SLC35F1: variants seen among roughly 807,000 people sequenced by gnomAD.
SLC35F1 encodes solute carrier family 35 member F1, also known as chromosome 6 open reading frame 169.
Under a neutral mutation model 48.7 loss-of-function variants are expected in SLC35F1, and 14 were observed. The ratio of observed to expected loss-of-function variants is 0.29; its 90% CI spans 0.19 to 0.45. SLC35F1 has a LOEUF of 0.45. SLC35F1 is among the 20% of genes least tolerant of loss of function. The probability of loss-of-function intolerance (pLI) is 1.00; values close to 1 mark genes in which losing one functional copy is unlikely to be tolerated. For missense variants in SLC35F1, 404 were observed against 500.0 expected (o/e 0.81, Z 1.83); for synonymous variants, 190 against 202.2 (o/e 0.94, Z 0.51).
Position 118,157,310 on chromosome 6 carries a change from G to A in SLC35F1, c.349+2690G>A, listed in dbSNP as rs189745987. Reference sequence around the variant, plus strand: ...AAAAAAGGAGAGGTTTTTTTCCTTTGAATTTCAAAACCCTGAATAGGAAAC... The same window carrying A: ...AAAAAAGGAGAGGTTTTTTTCCTTTAAATTTCAAAACCCTGAATAGGAAAC... On this transcript the variant is annotated intron_variant, in intron 2 of 7. Coordinates refer to ENST00000360388, the MANE Select transcript of SLC35F1 (RefSeq NM_001029858.4). 2.6e-3 allele frequency among the ~76,000 whole-genome samples: 393 copies of A among 152,106 alleles called. 4 individuals are homozygous for A. Among genetic ancestry groups the A allele is most frequent in the Admixed American group, 7.1e-3 (108 of 15,290 alleles).
chr6:117,960,677 TG>T (rs1652171467), intron 1 of SLC35F1, among the ~76,000 whole-genome samples: 1 of 152,112 alleles, frequency 6.6e-6, no homozygotes, highest in Admixed American at 6.5e-5. Flanking sequence ...ATGAATGAAG[TG>T]TATTCTCTGC....
chr6:118,018,208 G>A (rs376743352), intron 1 of SLC35F1, among the ~76,000 whole-genome samples: 1 of 151,760 alleles, frequency 6.6e-6, no homozygotes, highest in Non-Finnish European at 1.5e-5. Flanking sequence ...TCATCTTTAC[G>A]AAAAATACAA....
chr6:118,068,532 C>T (rs888787012), intron 1 of SLC35F1, among the ~76,000 whole-genome samples: 2 of 152,138 alleles, frequency 1.3e-5, no homozygotes, highest in Non-Finnish European at 2.9e-5. Context: ...TTTTGTAAAA[C>T]TTGGCAAAAA....
intron 7 of SLC35F1, among the ~76,000 whole-genome samples, chr6:118,301,606 A>G (rs1199491863): frequency 6.6e-6 from 1 of 152,238 alleles, no homozygotes; most frequent in Non-Finnish European, 1.5e-5. Context: ...ATATCATCCC[A>G]CATTAAATTG....
intron 2 of SLC35F1, among the ~76,000 whole-genome samples, chr6:118,178,535 G>A (rs1014276478): frequency 6.6e-6 from 1 of 151,954 alleles, no homozygotes; most frequent in African/African-American, 2.4e-5. Context: ...GGGGGAGGAG[G>A]GAGGAATCAC....
intron 1 of SLC35F1, among the ~76,000 whole-genome samples, chr6:118,023,242 C>A (rs552851604): frequency 1.3e-5 from 2 of 152,292 alleles, no homozygotes; most frequent in Admixed American, 6.5e-5. Context: ...AGACCAGCTG[C>A]ATAATTTGCT....
At chr6:117,986,477 A>T (rs58058006) in intron 1 of SLC35F1, among the ~76,000 whole-genome samples, 2 of 152,120 alleles carry the variant, frequency 1.3e-5, no homozygotes, top group Admixed American at 6.5e-5. Flanking sequence ...TTAGGTTTTT[A>T]TATGTTCTTT....
intron 1 of SLC35F1, among the ~76,000 whole-genome samples, chr6:118,096,596 T>C (rs749360658): frequency 6.6e-6 from 1 of 152,114 alleles, no homozygotes; most frequent in Non-Finnish European, 1.5e-5. Flanking sequence ...CCTTCATTAT[T>C]TTTCAAAAGC....
At chr6:118,145,248 G>A (rs1316537384) in intron 1 of SLC35F1, among the ~76,000 whole-genome samples, 1 of 152,146 alleles carries the variant, frequency 6.6e-6, no homozygotes, top group Non-Finnish European at 1.5e-5. Flanking sequence ...GGCTTCTTTC[G>A]ATGAGTGACT....
At chr6:118,074,097 G>T (rs1416970446) in intron 1 of SLC35F1, among the ~76,000 whole-genome samples, 1 of 152,112 alleles carries the variant, frequency 6.6e-6, no homozygotes, top group Non-Finnish European at 1.5e-5. Flanking sequence ...ATTATGCCCT[G>T]CAGTGGGGAA....
intron 1 of SLC35F1, among the ~76,000 whole-genome samples, chr6:118,101,836 T>C (rs116290602): frequency 0.018 from 2,756 of 152,346 alleles, 90 homozygotes; most frequent in African/African-American, 0.063. Context: ...TATAATTTAC[T>C]CAAAACATGG....
At chr6:118,016,370 G>GA (rs1562265029) in intron 1 of SLC35F1, among the ~76,000 whole-genome samples, 2 of 151,956 alleles carry the variant, frequency 1.3e-5, no homozygotes, top group Non-Finnish European at 2.9e-5. Context: ...GCTGAATACA[G>GA]AAAAAAGAAA....
chr6:117,913,923 C>T (rs964801775), intron 1 of SLC35F1, among the ~76,000 whole-genome samples: 2 of 151,832 alleles, frequency 1.3e-5, no homozygotes, highest in African/African-American at 2.4e-5. Context: ...TGGTGGTATG[C>T]GCTTATAGTC....
chr6:118,297,622 T>TTATATA (rs1260418816), intron 7 of SLC35F1, among the ~76,000 whole-genome samples: 1,538 of 96,910 alleles, frequency 0.016, 46 homozygotes, highest in African/African-American at 0.064. Flanking sequence ...TTCTCAGAAC[T>TTATATA]TATATATATA....
chr6:118,063,741 G>A (rs1311307916), intron 1 of SLC35F1, among the ~76,000 whole-genome samples: 1 of 151,916 alleles, frequency 6.6e-6, no homozygotes, highest in African/African-American at 2.4e-5. Context: ...TCACAGCCTG[G>A]TGCTTCCAAT....
chr6:118,133,534 C>G (rs1310779590), intron 1 of SLC35F1, among the ~76,000 whole-genome samples: 1 of 152,164 alleles, frequency 6.6e-6, no homozygotes, highest in Non-Finnish European at 1.5e-5. Flanking sequence ...CCAATTTTCA[C>G]TGCAAAGAAA....
intron 1 of SLC35F1, among the ~76,000 whole-genome samples, chr6:117,985,488 G>A (rs1224686152): frequency 6.6e-6 from 1 of 152,176 alleles, no homozygotes; most frequent in African/African-American, 2.4e-5. Context: ...TGTTTGTTGT[G>A]TAGAAAAATG....
chr6:118,118,100 C>T (rs568039764), intron 1 of SLC35F1, among the ~76,000 whole-genome samples: 2 of 152,192 alleles, frequency 1.3e-5, no homozygotes, highest in African/African-American at 4.8e-5. Context: ...AACACCTAGT[C>T]ATGGAAATTT....
At chr6:118,092,567 G>A (rs1037083542) in intron 1 of SLC35F1, among the ~76,000 whole-genome samples, 15 of 152,174 alleles carry the variant, frequency 9.9e-5, no homozygotes, top group African/African-American at 3.6e-4. Context: ...TCCACTGACA[G>A]CTTGCACCAT....
Sources: gnomAD v4.1 joint callset for allele counts (sites outside exome capture counted in the v4.1 genomes callset) on GRCh38, gnomAD v4.1.1 for gene constraint, MANE v1.5 for transcripts, NCBI Gene and HGNC (gene_info 2026-07-23, HGNC 2026-07-21) for gene names.